The following TUBGCP3 variants were observed in gnomAD, a reference collection of about 807,000 sequenced individuals.
TUBGCP3 encodes the protein gamma-tubulin complex component 3.
In TUBGCP3, 50 loss-of-function variants were observed where a neutral mutation model predicts 123.1. The observed-to-expected ratio is 0.41, with a 90% confidence interval of 0.32 to 0.51. The LOEUF is 0.51. Ranked by LOEUF, TUBGCP3 falls within the 20% of genes least tolerant of loss-of-function variation. The pLI, the probability that TUBGCP3 is intolerant of heterozygous loss-of-function variation, is 0.36. For synonymous variants in TUBGCP3, 405 were observed against 413.9 expected (o/e 0.98, Z 0.26); for missense variants, 882 against 1,127.0 (o/e 0.78, Z 3.11).
At position 112,499,044 on chromosome 13, in the gene TUBGCP3, C is replaced by T; in HGVS notation, c.2448+1G>A. ...TAAATTCACAAGTGTAAAGACCATA[C>T]CTCAATTTCACGCTGTTTCTTTTTC... On this transcript the variant is annotated splice_donor_variant, in intron 20 of 21. Transcript: ENST00000261965. LOFTEE classifies it high-confidence loss of function. The T allele has an allele frequency of 6.2e-7, 1 of 1,614,166 alleles. No individual in the cohort carries two copies. Among genetic ancestry groups the T allele is most frequent in the Non-Finnish European group, 8.5e-7 (1 of 1,180,028 alleles).
intron 10 of TUBGCP3, 88 bp downstream of exon 10, chr13:112,547,532 A>T (rs867147125): frequency 4.7e-5 from 64 of 1,357,254 alleles, no homozygotes; most frequent in Middle Eastern, 5.7e-4. Context: ...CGTGGGAAAG[A>T]CGTGCATGGG....
intron 11 of TUBGCP3, among the ~76,000 whole-genome samples, chr13:112,544,185 G>A (rs1487191470): frequency 1.3e-5 from 2 of 152,046 alleles, no homozygotes; most frequent in South Asian, 4.2e-4. Context: ...CGGGCGCAGT[G>A]GCTCACGCCT....
rs1227035950 is a variant in TUBGCP3 at position 112,508,464 on chromosome 13, C to T, written c.2087-3750G>A. Reference sequence around the variant, plus strand: ...TTAGTTGAAAAGGTATCGTGCACCACGACAGACAGGTCTACAGCCCCCACC... The same window carrying T: ...TTAGTTGAAAAGGTATCGTGCACCATGACAGACAGGTCTACAGCCCCCACC... On this transcript the variant is annotated intron_variant, in intron 17 of 21. Transcript: ENST00000261965. This position sits in a 1 kb window ranked among gnomAD's most constrained non-coding sequence, Gnocchi z 4.2. 1.3e-5 allele frequency among the ~76,000 whole-genome samples: 2 copies of T among 152,144 alleles called. No homozygotes were observed. Among genetic ancestry groups the T allele is most frequent in the East Asian group, 1.9e-4 (1 of 5,176 alleles).
chr13:112,490,713 C>G (rs138853586), intron 20 of TUBGCP3, among the ~76,000 whole-genome samples: 88 of 152,100 alleles, frequency 5.8e-4, no homozygotes, highest in Non-Finnish European at 1.8e-4. Context: ...TATTTACAAC[C>G]CAGATTTGTT....
At position 112,541,150 on chromosome 13, in the gene TUBGCP3, A is replaced by G. The variant is rs1443547546; in HGVS notation, c.1335+4549T>C. Among the ~76,000 whole-genome samples the G allele has an allele frequency of 2.0e-5, 3 of 152,320 alleles. No homozygotes were observed. The East Asian group carries it at 5.8e-4, about 29-fold the overall frequency. ...TCCCTATCAACTCTCCAGTCCCATC[A>G]TTACTATCACGAAAGGAAATGAATA... On this transcript the variant is annotated intron_variant, in intron 11 of 21. Coordinates refer to ENST00000261965, the MANE Select transcript of TUBGCP3 (RefSeq NM_006322.6).
chr13:112,491,880 C>T (rs1451575783), intron 20 of TUBGCP3, among the ~76,000 whole-genome samples: 1 of 152,240 alleles, frequency 6.6e-6, no homozygotes, highest in African/African-American at 2.4e-5. Flanking sequence ...CAAGCAAACA[C>T]CATCCTCTAC....
At chr13:112,555,975 G>T (rs973833475) in intron 6 of TUBGCP3, 77 bp downstream of exon 6, 49 of 1,497,746 alleles carry the variant, frequency 3.3e-5, no homozygotes, top group Non-Finnish European at 3.9e-5. Flanking sequence ...GGGGCTCCTG[G>T]GCTGTACTTT....
At chr13:112,488,635 A>G (rs1006550197) in intron 21 of TUBGCP3, among the ~76,000 whole-genome samples, 11 of 150,582 alleles carry the variant, frequency 7.3e-5, no homozygotes, top group South Asian at 2.1e-4. Flanking sequence ...ACAGGGGAGC[A>G]CAGGGGTCAC....
intron 2 of TUBGCP3, among the ~76,000 whole-genome samples, chr13:112,565,999 C>A (rs929061473): frequency 5.9e-5 from 9 of 152,060 alleles, no homozygotes; most frequent in African/African-American, 2.2e-4. Flanking sequence ...GTCATACTCA[C>A]TGTTTCAAAA....
At chr13:112,543,419 T>C (rs1382836467) in intron 11 of TUBGCP3, among the ~76,000 whole-genome samples, 1 of 152,150 alleles carries the variant, frequency 6.6e-6, no homozygotes, top group African/African-American at 2.4e-5. Context: ...AATCTCCAAA[T>C]CCAATATGCA....
At chr13:112,602,388 C>T in the TUBGCP3 span, among the ~76,000 whole-genome samples, 11 of 152,070 alleles carry the variant, frequency 7.2e-5, no homozygotes, top group Non-Finnish European at 1.6e-4. Flanking sequence ...AGATGGAGAG[C>T]CTCTGTCCAC....
chr13:112,601,181 TG>T, the TUBGCP3 span, among the ~76,000 whole-genome samples: 1 of 134,710 alleles, frequency 7.4e-6, no homozygotes, highest in Non-Finnish European at 1.6e-5. Flanking sequence ...AGCAAGATTC[TG>T]TCTAAAAAAA....
At position 112,511,755 on chromosome 13, in the gene TUBGCP3, C is replaced by A. The variant is rs1055888197; in HGVS notation, c.2086+4685G>T. On this transcript the variant is annotated intron_variant, in intron 17 of 21. Transcript: ENST00000261965. The surrounding 1 kb of genome is among the most constrained non-coding windows in gnomAD (Gnocchi z 4.1). ...GGGCCAAAACCAAATTTGGGCCAAT[C>A]CAACCTTTTCAGATTCTGGGTCTCA... Among the ~76,000 whole-genome samples, 2 of 152,150 alleles carry A rather than the reference C, an allele frequency of 1.3e-5. No individual in the cohort carries two copies. The highest frequency in any genetic ancestry group is 2.9e-5 in the Non-Finnish European group (2 of 68,034).
chr13:112,551,495 G>T (rs1011591009), intron 8 of TUBGCP3, among the ~76,000 whole-genome samples: 1 of 152,152 alleles, frequency 6.6e-6, no homozygotes, highest in Non-Finnish European at 1.5e-5. Flanking sequence ...GAGAGCACAC[G>T]CTGGCTCTTC....
chr13:112,561,438 T>A (rs1047910436), intron 3 of TUBGCP3, among the ~76,000 whole-genome samples: 14 of 152,174 alleles, frequency 9.2e-5, no homozygotes, highest in African/African-American at 3.4e-4. Flanking sequence ...CAAATCTGAA[T>A]AACTCACCCA....
intron 2 of TUBGCP3, among the ~76,000 whole-genome samples, chr13:112,568,411 G>C (rs896966192): frequency 9.3e-5 from 14 of 150,958 alleles, no homozygotes; most frequent in African/African-American, 2.0e-4. Context: ...GCTTCTAGAA[G>C]GTGTTATTAC....
intron 17 of TUBGCP3, among the ~76,000 whole-genome samples, chr13:112,505,204 TC>T (rs1395824012): frequency 1.3e-5 from 2 of 152,190 alleles, no homozygotes; most frequent in Admixed American, 1.3e-4. Context: ...GCTCAGACTC[TC>T]CTTTTATCCT....
At chr13:112,531,782 A>G (rs1263364580) in intron 11 of TUBGCP3, among the ~76,000 whole-genome samples, 1 of 152,212 alleles carries the variant, frequency 6.6e-6, no homozygotes, top group Non-Finnish European at 1.5e-5. Context: ...GCTTTAGAAT[A>G]TAATTAATTC....
intron 1 of TUBGCP3, among the ~76,000 whole-genome samples, chr13:112,582,181 G>A (rs1286389741): frequency 6.6e-6 from 1 of 152,202 alleles, no homozygotes; most frequent in African/African-American, 2.4e-5. Flanking sequence ...ATCAAGCAAT[G>A]TCCACTACAC....
Sources: gnomAD v4.1 joint callset for allele counts (sites outside exome capture counted in the v4.1 genomes callset) on GRCh38, gnomAD v4.1.1 for gene constraint, Gnocchi (gnomAD v3.1) non-coding constraint, MANE v1.5 for transcripts, NCBI Gene and HGNC (gene_info 2026-07-23, HGNC 2026-07-21) for gene names.